Variants in DPP10 observed in about 807,000 individuals in gnomAD.
DPP10 encodes the protein dipeptidyl peptidase like 10, also known as inactive dipeptidyl peptidase 10.
In DPP10, 33 loss-of-function variants were observed where a neutral mutation model predicts 120.9. The observed-to-expected ratio is 0.27, with a 90% confidence interval of 0.21 to 0.37. DPP10 has a LOEUF of 0.37. DPP10 is among the 10% of genes least tolerant of loss of function. The probability of loss-of-function intolerance (pLI) is 1.00; values close to 1 mark genes in which losing one functional copy is unlikely to be tolerated. For missense variants in DPP10, 816 were observed against 942.8 expected (o/e 0.87, Z 1.76); for synonymous variants, 337 against 326.1 (o/e 1.03, Z -0.36).
Position 114,641,322 on chromosome 2 carries a change from G to A in DPP10, c.60+198484G>A, listed in dbSNP as rs188894566. Among the ~76,000 whole-genome samples, 132 of 151,866 alleles carry A rather than the reference G, an allele frequency of 8.7e-4. 5 individuals are homozygous for A. Among genetic ancestry groups the A allele is most frequent in the African/African-American group, 3.0e-3 (123 of 41,228 alleles). ...TTCCTGATAAGTCACCTTGTTCTTG[G>A]CATTGCTTTCCATATTCGTGGCTAG... On this transcript the variant is annotated intron_variant, in intron 1 of 25. Coordinates refer to ENST00000410059, the MANE Select transcript of DPP10 (RefSeq NM_020868.6).
intron 5 of DPP10, among the ~76,000 whole-genome samples, chr2:115,557,480 C>T (rs1258395988): frequency 1.3e-5 from 2 of 152,202 alleles, no homozygotes; most frequent in Non-Finnish European, 2.9e-5. Flanking sequence ...CTGTATAGAG[C>T]TTGCAAACTA....
At chr2:115,052,951 CA>C (rs70941023) in intron 1 of DPP10, among the ~76,000 whole-genome samples, 32,916 of 121,620 alleles carry the variant, frequency 0.27, 3,936 homozygotes, top group East Asian at 0.32. Flanking sequence ...GACTCCATCT[CA>C]AAAAAAAAAA....
At chr2:115,287,565 T>C (rs2060453473) in intron 1 of DPP10, among the ~76,000 whole-genome samples, 2 of 152,126 alleles carry the variant, frequency 1.3e-5, no homozygotes, top group Admixed American at 1.3e-4. Context: ...CATTCTTGAG[T>C]TACTTCACTT....
intron 1 of DPP10, among the ~76,000 whole-genome samples, chr2:115,294,801 T>C (rs1408920236): frequency 6.6e-6 from 1 of 152,048 alleles, no homozygotes; most frequent in East Asian, 1.9e-4. Flanking sequence ...TGAATTGATG[T>C]TTCTCATGCA....
At chr2:114,570,184 A>G (rs1422693998) in intron 1 of DPP10, among the ~76,000 whole-genome samples, 2 of 152,184 alleles carry the variant, frequency 1.3e-5, no homozygotes, top group African/African-American at 4.8e-5. Flanking sequence ...TATAAAAACT[A>G]TTCAAAATAT....
chr2:114,958,277 G>A (rs561247936), intron 1 of DPP10, among the ~76,000 whole-genome samples: 56 of 152,246 alleles, frequency 3.7e-4, no homozygotes, highest in African/African-American at 1.2e-3. Flanking sequence ...TGGCCAAGAC[G>A]CAGTATTGTT....
chr2:115,120,573 GAATTT>G (rs1437177238), intron 1 of DPP10, among the ~76,000 whole-genome samples: 1 of 152,186 alleles, frequency 6.6e-6, no homozygotes, highest in Admixed American at 6.5e-5. Flanking sequence ...GCCTTGCCTA[GAATTT>G]AATGGATTTA....
At chr2:115,428,210 C>G (rs1464925026) in intron 3 of DPP10, among the ~76,000 whole-genome samples, 1 of 152,176 alleles carries the variant, frequency 6.6e-6, no homozygotes, top group Non-Finnish European at 1.5e-5. Flanking sequence ...TAAACTTTCC[C>G]TCATCTTCCT....
intron 7 of DPP10, among the ~76,000 whole-genome samples, chr2:115,722,416 G>A (rs562456291): frequency 6.6e-6 from 1 of 151,874 alleles, no homozygotes; most frequent in South Asian, 2.1e-4. Flanking sequence ...GTAAAATAGA[G>A]TCATGTATCA....
chr2:114,691,579 T>G (rs61520058), intron 1 of DPP10, among the ~76,000 whole-genome samples: 2 of 152,138 alleles, frequency 1.3e-5, no homozygotes, highest in East Asian at 3.9e-4. Flanking sequence ...GCTGACCTCA[T>G]AGAATGAGTT....
chr2:115,209,797 G>C (rs2056386940), intron 1 of DPP10, among the ~76,000 whole-genome samples: 1 of 152,120 alleles, frequency 6.6e-6, no homozygotes, highest in Admixed American at 6.6e-5. Flanking sequence ...AGCTCTGGCA[G>C]AGACAAGGAA....
intron 1 of DPP10, among the ~76,000 whole-genome samples, chr2:114,926,456 C>G (rs1421043348): frequency 6.6e-6 from 1 of 152,170 alleles, no homozygotes; most frequent in African/African-American, 2.4e-5. Flanking sequence ...TGATGTTTGT[C>G]AGAAGCTGGA....
intron 1 of DPP10, among the ~76,000 whole-genome samples, chr2:114,571,367 A>C (rs527721824): frequency 6.6e-6 from 1 of 152,242 alleles, no homozygotes; most frequent in African/African-American, 2.4e-5. Context: ...GCCTTCCACC[A>C]TGATTGTAAG....
intron 1 of DPP10, among the ~76,000 whole-genome samples, chr2:115,131,670 G>C (rs1181422443): frequency 6.6e-6 from 1 of 152,106 alleles, no homozygotes; most frequent in Admixed American, 6.6e-5. Context: ...CTACTGATTT[G>C]TTATCAGAAA....
Position 115,814,787 on chromosome 2 carries a change from T to C in DPP10, c.1701-6T>C. The C allele has an allele frequency of 6.5e-7, 1 of 1,535,274 alleles. No homozygotes were observed. ...TTGTTTTGGTCCAATATGTTGGTAT[T>C]TGCAGGGATGAAGAACCAGGAGGCC... On this transcript the variant is annotated splice_polypyrimidine_tract_variant and splice_region_variant and intron_variant, in intron 19 of 25. Coordinates refer to ENST00000410059, the MANE Select transcript of DPP10 (RefSeq NM_020868.6).
chr2:115,546,928 A>G (rs1259364943), intron 5 of DPP10, among the ~76,000 whole-genome samples: 1 of 152,176 alleles, frequency 6.6e-6, no homozygotes, highest in Non-Finnish European at 1.5e-5. Flanking sequence ...AATTTAATTC[A>G]AATGCTAATT....
At chr2:115,305,337 A>C (rs769966425) in intron 1 of DPP10, among the ~76,000 whole-genome samples, 10 of 152,068 alleles carry the variant, frequency 6.6e-5, no homozygotes, top group Non-Finnish European at 1.5e-4. Context: ...ATCAAAAACA[A>C]AGTCAATCAG....
chr2:115,269,745 G>A (rs1043959625), intron 1 of DPP10, among the ~76,000 whole-genome samples: 9 of 152,108 alleles, frequency 5.9e-5, no homozygotes, highest in Non-Finnish European at 8.8e-5. Flanking sequence ...CTTTCTATTG[G>A]TTTGTAGTAA....
rs114853276 is a variant in DPP10, at chr2:115,375,474, C to G, written c.271+31562C>G. 2.7e-3 allele frequency among the ~76,000 whole-genome samples: 417 copies of G among 152,226 alleles called. 3 individuals are homozygous for G. The highest frequency in any genetic ancestry group is 9.8e-3 in the African/African-American group (408 of 41,528). On this transcript the variant is annotated intron_variant, in intron 3 of 25. Coordinates refer to ENST00000410059, the MANE Select transcript of DPP10 (RefSeq NM_020868.6). ...GTATCTGGGAAGTTCCAAACTGTAC[C>G]ACATCTTCCTTTCTTCTTCTGACCC... is the stretch of plus-strand genomic sequence containing the variant.
Sources: allele counts gnomAD v4.1 joint callset (sites outside exome capture counted in the v4.1 genomes callset), GRCh38; gene constraint gnomAD v4.1.1; transcripts MANE v1.5; gene names NCBI Gene and HGNC (gene_info 2026-07-23, HGNC 2026-07-21).